SIK3: variants seen among roughly 807,000 people sequenced by gnomAD.
The protein encoded by SIK3 is SIK family kinase 3.
Under a neutral mutation model 144.2 loss-of-function variants are expected in SIK3, and 28 were observed. That is an observed-to-expected ratio of 0.19 (90% CI 0.14 to 0.27). The LOEUF is 0.27. Among genes scored for constraint, SIK3 ranks in the 10% least tolerant of loss-of-function variants. The pLI is 1.00. For missense variants in SIK3, 1,319 were observed against 1,776.0 expected, an observed-to-expected ratio of 0.74 and a Z score of 4.62; for synonymous variants, 686 against 676.3, an observed-to-expected ratio of 1.01 and a Z score of -0.22.
intron 21 of SIK3, among the ~76,000 whole-genome samples, chr11:116,852,576 T>C (rs1214154879): frequency 6.6e-6 from 1 of 152,200 alleles, no homozygotes. Flanking sequence ...ACTGACTCCA[T>C]GGGTGTGGAG....
chr11:116,877,177 C>T (rs1944300169), intron 6 of SIK3, 135 bp from the exon 7 acceptor site: 6 of 719,232 alleles, frequency 8.3e-6, no homozygotes, highest in Non-Finnish European at 1.5e-5. Context: ...CTCTTTGATC[C>T]TTACCTATTC....
intron 1 of SIK3, among the ~76,000 whole-genome samples, chr11:116,997,008 A>G (rs1040459350): frequency 5.3e-5 from 8 of 152,128 alleles, no homozygotes; most frequent in African/African-American, 1.7e-4. Context: ...ATCATAGAGG[A>G]CCTTCTCATT....
At chr11:117,033,050 A>T (rs140341085) in intron 1 of SIK3, among the ~76,000 whole-genome samples, 56 of 152,322 alleles carry the variant, frequency 3.7e-4, no homozygotes, top group African/African-American at 1.3e-3. Flanking sequence ...AGGACTTAAA[A>T]TAAGGCTTCT....
At chr11:117,027,707 T>C (rs902805126) in intron 1 of SIK3, among the ~76,000 whole-genome samples, 1 of 151,994 alleles carries the variant, frequency 6.6e-6, no homozygotes, top group African/African-American at 2.4e-5. Flanking sequence ...CCTCAGGTGA[T>C]CCACCTGCCT....
chr11:116,977,894 T>C (rs1471769632), intron 1 of SIK3, among the ~76,000 whole-genome samples: 1 of 152,208 alleles, frequency 6.6e-6, no homozygotes, highest in Admixed American at 6.5e-5. Context: ...TAAAACTTTA[T>C]GTGCAAGAGC....
At chr11:117,097,042 G>C (rs1339372306) in intron 1 of SIK3, among the ~76,000 whole-genome samples, 2 of 152,152 alleles carry the variant, frequency 1.3e-5, no homozygotes, top group Non-Finnish European at 2.9e-5. Context: ...GAAAATTTTA[G>C]AGTAAAAATG....
At chr11:116,984,125 G>A (rs1950247868) in intron 1 of SIK3, among the ~76,000 whole-genome samples, 2 of 152,038 alleles carry the variant, frequency 1.3e-5, no homozygotes, top group African/African-American at 2.4e-5. Flanking sequence ...GTTTGTGGGG[G>A]AAAAGGGATC....
At chr11:116,968,241 C>T (rs1015954168) in intron 1 of SIK3, among the ~76,000 whole-genome samples, 2 of 152,146 alleles carry the variant, frequency 1.3e-5, no homozygotes, top group African/African-American at 2.4e-5. Flanking sequence ...CTCCTGGGTT[C>T]GGGCAATTCT....
intron 1 of SIK3, among the ~76,000 whole-genome samples, chr11:117,053,079 C>T (rs1953337174): frequency 6.6e-6 from 1 of 152,128 alleles, no homozygotes; most frequent in Non-Finnish European, 1.5e-5. Context: ...TGGCTCATGC[C>T]TGTAACCCCA....
chr11:116,894,989 G>C (rs892429332), intron 6 of SIK3, among the ~76,000 whole-genome samples: 1 of 152,050 alleles, frequency 6.6e-6, no homozygotes, highest in Non-Finnish European at 1.5e-5. Flanking sequence ...TTGTATGTTT[G>C]AAATTTTTCA....
intron 1 of SIK3, among the ~76,000 whole-genome samples, chr11:117,018,135 A>G (rs1476015219): frequency 6.6e-6 from 1 of 152,112 alleles, no homozygotes; most frequent in Admixed American, 6.6e-5. Context: ...TGATATCTCA[A>G]CACAGTTGTC....
At chr11:116,860,494 C>A (rs1446798623) in intron 19 of SIK3, among the ~76,000 whole-genome samples, 1 of 152,160 alleles carries the variant, frequency 6.6e-6, no homozygotes. Context: ...CATCTGTACA[C>A]CCACAAGAGA....
intron 1 of SIK3, among the ~76,000 whole-genome samples, chr11:117,007,116 G>T (rs779529216): frequency 3.9e-5 from 6 of 152,176 alleles, no homozygotes; most frequent in Non-Finnish European, 8.8e-5. Flanking sequence ...AGTGGCTCAC[G>T]CCTGTAATCT....
At chr11:117,049,055 C>T (rs1284966161) in intron 1 of SIK3, among the ~76,000 whole-genome samples, 2 of 152,050 alleles carry the variant, frequency 1.3e-5, no homozygotes, top group African/African-American at 4.8e-5. Context: ...GAGCTGAGAT[C>T]GTGCCACTGC....
chr11:117,091,351 T>C (rs1165039627), intron 1 of SIK3, among the ~76,000 whole-genome samples: 1 of 151,902 alleles, frequency 6.6e-6, no homozygotes, highest in Non-Finnish European at 1.5e-5. Flanking sequence ...ATTACAGGCA[T>C]GTACCACCAC....
intron 1 of SIK3, among the ~76,000 whole-genome samples, chr11:117,053,867 G>A (rs1210566041): frequency 3.3e-5 from 5 of 151,848 alleles, no homozygotes; most frequent in Admixed American, 1.3e-4. Flanking sequence ...GGCTGGTCTC[G>A]AACTCCTGAG....
intron 3 of SIK3, 53 bp downstream of exon 3, chr11:116,953,991 G>T: frequency 6.9e-7 from 1 of 1,455,162 alleles, no homozygotes; most frequent in Non-Finnish European, 9.6e-7. Context: ...GCTATTTTAG[G>T]TTTGCCATAG....
At chr11:117,030,450 A>G (rs922814817) in intron 1 of SIK3, among the ~76,000 whole-genome samples, 4 of 152,252 alleles carry the variant, frequency 2.6e-5, no homozygotes, top group Admixed American at 2.6e-4. Flanking sequence ...GATAATTTTA[A>G]GTGATAAAAA....
At chr11:117,051,414 A>G (rs1953233536) in intron 1 of SIK3, among the ~76,000 whole-genome samples, 1 of 152,210 alleles carries the variant, frequency 6.6e-6, no homozygotes, top group Non-Finnish European at 1.5e-5. Flanking sequence ...GCCAACTTCC[A>G]TAATAAACCT....
Sources: allele counts gnomAD v4.1 joint callset (sites outside exome capture counted in the v4.1 genomes callset), GRCh38; gene constraint gnomAD v4.1.1; transcripts MANE v1.5; gene names NCBI Gene and HGNC (gene_info 2026-07-23, HGNC 2026-07-21).